ABI3BP: variants seen among roughly 807,000 people sequenced by gnomAD.
ABI3BP encodes the protein target of Nesh-SH3.
ABI3BP carries 216 observed loss-of-function variants against 268.6 expected under a neutral mutation model. That is an observed-to-expected ratio of 0.80 (90% CI 0.72 to 0.90). ABI3BP has a LOEUF of 0.90. Ranked by LOEUF, ABI3BP falls within the 40% of genes least tolerant of loss-of-function variation. The pLI, the probability that ABI3BP is intolerant of heterozygous loss-of-function variation, is 0.00. For missense variants in ABI3BP, 2,090 were observed against 2,182.4 expected, an observed-to-expected ratio of 0.96 and a Z score of 0.84; for synonymous variants, 730 against 730.0, an observed-to-expected ratio of 1.00 and a Z score of 0.00.
In ABI3BP at chr3:100,749,866, T is replaced by G; in HGVS notation, c.*629A>C. On this transcript the variant is annotated 3_prime_UTR_variant, in exon 68 of 68. Coordinates refer to ENST00000471714, the MANE Select transcript of ABI3BP (RefSeq NM_001375547.2). ...TTTAGCTGAAATGAAATTTACTGAT[T>G]CAATCTTTTTAAGAATTTGTGGATG... 5.0e-6 allele frequency: 2 copies of G among 396,164 alleles called. No individual in the cohort carries two copies. Among genetic ancestry groups the G allele is most frequent in the Non-Finnish European group, 8.9e-6 (2 of 224,884 alleles). The allele number at this position is 396,164 out of a possible 1,614,324, so 24.5% of individuals were successfully genotyped here. A position where few individuals can be genotyped will look rare whatever the true frequency, so the allele number is the denominator to read the frequency against.
chr3:100,771,075 T>C (rs1577107758), intron 61 of ABI3BP, 123 bp from the exon 62 acceptor site: 1 of 846,554 alleles, frequency 1.2e-6, no homozygotes, highest in Non-Finnish European at 1.7e-6. Flanking sequence ...TTGAAAGCCA[T>C]GATGTGGATG....
intron 54 of ABI3BP, 22 bp from the exon 55 acceptor site, chr3:100,792,790 T>G (rs752969625): frequency 1.3e-6 from 2 of 1,599,016 alleles, no homozygotes; most frequent in Non-Finnish European, 8.6e-7. Context: ...ACAGTAAGAT[T>G]GCTTGTTTTA....
At chr3:100,894,197 G>GA (rs2046084432) in intron 4 of ABI3BP, among the ~76,000 whole-genome samples, 1 of 152,046 alleles carries the variant, frequency 6.6e-6, no homozygotes, top group Admixed American at 6.6e-5. Context: ...GATAGTAGGT[G>GA]AAAAATAGAA....
intron 12 of ABI3BP, 60 bp downstream of exon 12, chr3:100,863,942 T>A (rs1581025770): frequency 1.6e-6 from 2 of 1,215,040 alleles, no homozygotes; most frequent in East Asian, 5.1e-5. Context: ...AAAGACTTCT[T>A]TGAAGCATGC....
rs79010577 is a variant in ABI3BP, at chr3:100,834,359, C to T, written c.2281+325G>A. ...CTAAAATATTCCTCACAGATACAAA[C>T]GTTCAAAATGTGTGACAGGTTGAAC... On this transcript the variant is annotated intron_variant, in intron 29 of 67. Transcript: ENST00000471714. 5.9e-5 allele frequency among the ~76,000 whole-genome samples: 9 copies of T among 152,188 alleles called. No homozygotes were observed. The East Asian group carries it at 1.2e-3, about 20-fold the overall frequency.
intron 8 of ABI3BP, 101 bp downstream of exon 8, chr3:100,875,407 A>G (rs2099151412): frequency 4.5e-6 from 4 of 884,154 alleles, no homozygotes; most frequent in Admixed American, 3.9e-5. Context: ...AACCACATCA[A>G]TTAAACAGAA....
intron 1 of ABI3BP, among the ~76,000 whole-genome samples, chr3:100,946,555 G>C (rs1446284406): frequency 6.6e-6 from 1 of 151,714 alleles, no homozygotes; most frequent in East Asian, 2.0e-4. Context: ...TTGGGAGGCC[G>C]AGGTGGGCAG....
chr3:100,986,070 A>G (rs957260987), intron 1 of ABI3BP, among the ~76,000 whole-genome samples: 1 of 152,198 alleles, frequency 6.6e-6, no homozygotes, highest in Non-Finnish European at 1.5e-5. Context: ...TGATTCAGCT[A>G]CATAAGGTTG....
intron 57 of ABI3BP, among the ~76,000 whole-genome samples, chr3:100,781,542 G>T (rs1209134881): frequency 2.6e-5 from 4 of 152,146 alleles, no homozygotes; most frequent in Non-Finnish European, 5.9e-5. Flanking sequence ...TCACTGTCAG[G>T]GGTAGTGGGG....
intron 56 of ABI3BP, 50 bp from the exon 57 acceptor site, chr3:100,787,852 A>G: frequency 1.5e-6 from 2 of 1,370,556 alleles, no homozygotes; most frequent in Non-Finnish European, 1.9e-6. Flanking sequence ...GAAAGTTTGC[A>G]GCCGAGAAAA....
chr3:100,835,804 G>T, intron 27 of ABI3BP, 144 bp from the exon 28 acceptor site: 1 of 675,824 alleles, frequency 1.5e-6, no homozygotes, highest in Non-Finnish European at 2.4e-6. Flanking sequence ...CCCCTAAGTA[G>T]CCAAACTATC....
At chr3:100,920,209 G>T (rs963467964) in intron 2 of ABI3BP, among the ~76,000 whole-genome samples, 4 of 152,082 alleles carry the variant, frequency 2.6e-5, no homozygotes, top group East Asian at 1.9e-4. Flanking sequence ...CCACAAAACT[G>T]CCACTTAGAC....
chr3:100,792,583 AG>A (rs1258555903), intron 55 of ABI3BP, 107 bp downstream of exon 55: 27 of 1,128,054 alleles, frequency 2.4e-5, no homozygotes, highest in Middle Eastern at 2.0e-4. Flanking sequence ...TGACAAAAAA[AG>A]TCAAGTAATC....
chr3:100,799,084 T>C (rs1247788388), intron 51 of ABI3BP, among the ~76,000 whole-genome samples: 1 of 152,128 alleles, frequency 6.6e-6, no homozygotes, highest in Non-Finnish European at 1.5e-5. Context: ...TTACTTCCCC[T>C]CTACCTACAA....
At chr3:100,950,632 A>G (rs1561977159) in intron 1 of ABI3BP, among the ~76,000 whole-genome samples, 1 of 152,132 alleles carries the variant, frequency 6.6e-6, no homozygotes, top group East Asian at 1.9e-4. Context: ...ATTCTACATG[A>G]TATTATATAA....
chr3:100,787,644 A>G, intron 57 of ABI3BP, 84 bp downstream of exon 57: 2 of 1,162,130 alleles, frequency 1.7e-6, no homozygotes, highest in Non-Finnish European at 2.3e-6. Context: ...AGGAAATTAA[A>G]ATGTGAATTC....
chr3:100,780,753 G>C (rs1431678303), intron 57 of ABI3BP, among the ~76,000 whole-genome samples: 2 of 152,060 alleles, frequency 1.3e-5, no homozygotes, highest in Non-Finnish European at 2.9e-5. Context: ...AATTAGCCCT[G>C]GGCAGGCCTC....
chr3:100,889,300 C>G (rs1582071617), intron 4 of ABI3BP, among the ~76,000 whole-genome samples: 1 of 152,104 alleles, frequency 6.6e-6, no homozygotes, highest in African/African-American at 2.4e-5. Flanking sequence ...TAATCAGTGA[C>G]AGACCCAGGC....
intron 67 of ABI3BP, among the ~76,000 whole-genome samples, chr3:100,750,904 T>C (rs2095277496): frequency 6.6e-6 from 1 of 152,152 alleles, no homozygotes; most frequent in African/African-American, 2.4e-5. Flanking sequence ...CATCTTTCAG[T>C]ATTGTTGGTA....
Sources: allele counts gnomAD v4.1 joint callset (sites outside exome capture counted in the v4.1 genomes callset), GRCh38; gene constraint gnomAD v4.1.1; transcripts MANE v1.5; gene names NCBI Gene and HGNC (gene_info 2026-07-23, HGNC 2026-07-21).